The following HELLS variants were observed in gnomAD, a reference collection of about 807,000 sequenced individuals.
The protein encoded by HELLS is lymphoid-specific helicase.
HELLS carries 32 observed loss-of-function variants against 120.0 expected under a neutral mutation model. That is an observed-to-expected ratio of 0.27 (90% confidence interval 0.20 to 0.36). HELLS has a LOEUF of 0.36. Ranked by LOEUF, HELLS falls within the 10% of genes least tolerant of loss-of-function variation. The pLI is 1.00. For missense variants in HELLS, 650 were observed against 993.4 expected (o/e 0.65, Z 4.65); for synonymous variants, 341 against 323.4 (o/e 1.05, Z -0.58).
In HELLS at chr10:94,545,961, G is replaced by A. The variant is rs889282413; in HGVS notation, c.31+9G>A. On this transcript the variant is annotated intron_variant, in intron 1 of 21. Coordinates refer to ENST00000348459, the MANE Select transcript of HELLS (RefSeq NM_018063.5). ...GCCCGCGGGCAGCGGCGGTGAGTGA[G>A]GAAAACCTTTTGGGCGCGGGTGGCA... 4.5e-6 allele frequency: 7 copies of A among 1,556,258 alleles called. No homozygotes were observed. In the African/African-American group the frequency reaches 8.2e-5, roughly 18 times the overall value.
intron 4 of HELLS, among the ~76,000 whole-genome samples, 188 bp downstream of exon 4, chr10:94,558,383 A>G (rs779683531): frequency 6.6e-6 from 1 of 152,154 alleles, no homozygotes; most frequent in Non-Finnish European, 1.5e-5. Context: ...GAAAGAGCCA[A>G]AGTATGGTCC....
downstream of HELLS, among the ~76,000 whole-genome samples, chr10:94,605,266 A>G (rs187476131): frequency 2.8e-3 from 428 of 152,064 alleles, 5 homozygotes; most frequent in Non-Finnish European, 5.3e-3. Flanking sequence ...TATTTTTAGT[A>G]GGGACAGGGT....
At chr10:94,580,160 TATACACAC>T (rs1353245819) in intron 10 of HELLS, among the ~76,000 whole-genome samples, 14 of 64,538 alleles carry the variant, frequency 2.2e-4, no homozygotes, top group African/African-American at 1.0e-3. Context: ...TATATATATA[TATACACAC>T]ACACACACAC....
In HELLS at chr10:94,583,113, G is replaced by A. The variant is rs1031497992; in HGVS notation, c.1326+54G>A. 6 of 917,696 alleles carry A rather than the reference G, an allele frequency of 6.5e-6. No homozygotes were observed. In the Middle Eastern group the frequency reaches 6.6e-4, roughly 102 times the overall value. 56.8% of individuals were successfully genotyped at this position (917,696 alleles called of 1,614,324 possible). A position where few individuals can be genotyped will look rare whatever the true frequency, so the allele number is the denominator to read the frequency against. On this transcript the variant is annotated intron_variant, in intron 12 of 21. Coordinates refer to ENST00000348459, the MANE Select transcript of HELLS (RefSeq NM_018063.5). Reference sequence around the variant, plus strand: ...CCATAGGCTCGATAGAGTATAAAAGGAACTCTGGAGATCACCTGTCTAACC... The same window carrying A: ...CCATAGGCTCGATAGAGTATAAAAGAAACTCTGGAGATCACCTGTCTAACC...
chr10:94,611,911 C>T (rs368865297), exon 10 of HELLS: 71 of 152,308 alleles, frequency 4.7e-4, no homozygotes, highest in African/African-American at 1.7e-3. Context: ...ATGTCAGTTT[C>T]TTCAGATTTG....
chr10:94,574,432 T>C, intron 8 of HELLS, 122 bp from the exon 9 acceptor site: 1 of 797,776 alleles, frequency 1.3e-6, no homozygotes, highest in South Asian at 1.8e-5. Flanking sequence ...ATGGTGTGAA[T>C]ATATCAGCTT....
intron 10 of HELLS, among the ~76,000 whole-genome samples, chr10:94,577,832 C>T (rs1351465928): frequency 2.6e-5 from 4 of 151,972 alleles, no homozygotes; most frequent in African/African-American, 4.8e-5. Context: ...GAGGCCGAGG[C>T]GGGTGGATCA....
At chr10:94,550,743 A>T (rs952980121) in intron 2 of HELLS, among the ~76,000 whole-genome samples, 1 of 152,062 alleles carries the variant, frequency 6.6e-6, no homozygotes, top group African/African-American at 2.4e-5. Flanking sequence ...TTAAAAAACT[A>T]GCCGGCATGG....
At chr10:94,604,914 T>C (rs1348815735), downstream of HELLS, among the ~76,000 whole-genome samples, 1 of 151,826 alleles carries the variant, frequency 6.6e-6, no homozygotes, top group African/African-American at 2.4e-5. Context: ...GTAATAAACC[T>C]CCCCCTCCAA....
At chr10:94,602,195 A>G (rs1423959308), downstream of HELLS, 1 of 152,238 alleles carries the variant, frequency 6.6e-6, no homozygotes. Context: ...TCTTGGTTTC[A>G]TTCACTAGTA....
intron 12 of HELLS, among the ~76,000 whole-genome samples, chr10:94,585,350 T>A (rs1845071233): frequency 7.9e-6 from 1 of 127,252 alleles, no homozygotes; most frequent in Non-Finnish European, 1.7e-5. Flanking sequence ...TAACTAATAG[T>A]TTTTTTGTTT....
rs963960297 is a variant in HELLS, at chr10:94,593,629, A to G, written c.2088+14A>G. The stretch of plus-strand genomic sequence containing the variant: ...GATAGTGATTGGGTAAGTTGGAAGT[A>G]TAGCAAGGAATATGCTGATTATATT... On this transcript the variant is annotated intron_variant, in intron 18 of 21. Coordinates refer to ENST00000348459, the MANE Select transcript of HELLS (RefSeq NM_018063.5). The G allele has an allele frequency of 7.3e-7, 1 of 1,376,806 alleles. No homozygotes were observed. The allele number at this position is 1,376,806 out of a possible 1,614,324, so 85.3% of individuals were successfully genotyped here.
At chr10:94,611,442 T>A (rs1455642697) in exon 10 of HELLS, 1 of 152,118 alleles carries the variant, frequency 6.6e-6, no homozygotes, top group African/African-American at 2.4e-5. Flanking sequence ...TAATAATAAT[T>A]AATAATTAGT....
chr10:94,564,219 G>A (rs555598005), intron 6 of HELLS, among the ~76,000 whole-genome samples: 43 of 152,286 alleles, frequency 2.8e-4, no homozygotes, highest in Admixed American at 2.3e-3. Context: ...ATTTTGCAAG[G>A]AACTGTGGAA....
chr10:94,606,666 G>T (rs1361336958), downstream of HELLS, among the ~76,000 whole-genome samples: 1 of 152,104 alleles, frequency 6.6e-6, no homozygotes. Flanking sequence ...CCTAGAACTC[G>T]TAACAAAATT....
At chr10:94,554,873 T>C (rs1304947617) in intron 3 of HELLS, among the ~76,000 whole-genome samples, 1 of 152,082 alleles carries the variant, frequency 6.6e-6, no homozygotes, top group African/African-American at 2.4e-5. Context: ...CCAAAAGGGC[T>C]GGGTGTGGCT....
rs1315198704 is a variant in HELLS, at chr10:94,574,464, G to A, written c.706-90G>A. On this transcript the variant is annotated intron_variant, in intron 8 of 21. Coordinates refer to ENST00000348459, the MANE Select transcript of HELLS (RefSeq NM_018063.5). ...GCTTTAACATAATTCTCATCTTTGGGTGTGATTTTTTAAAGAGAAGAAATA... is the reference window on the plus strand; with the variant it reads ...GCTTTAACATAATTCTCATCTTTGGATGTGATTTTTTAAAGAGAAGAAATA... 3.5e-5 allele frequency: 34 copies of A among 978,422 alleles called. No homozygotes were observed. The Admixed American group carries it at 6.8e-4, about 20-fold the overall frequency. The allele number at this position is 978,422 out of a possible 1,614,324, so 60.6% of individuals were successfully genotyped here.
chr10:94,573,551 T>C (rs1844286087), intron 7 of HELLS, among the ~76,000 whole-genome samples: 1 of 151,912 alleles, frequency 6.6e-6, no homozygotes, highest in South Asian at 2.1e-4. Flanking sequence ...ACTGCAGCCT[T>C]GACTTCCTGG....
downstream of HELLS, chr10:94,602,161 C>T (rs189540949): frequency 3.9e-5 from 6 of 152,286 alleles, no homozygotes; most frequent in Middle Eastern, 3.4e-3. Flanking sequence ...ACTTGGCTGT[C>T]GGTAGGATTT....
Sources: gnomAD v4.1 joint callset for allele counts (sites outside exome capture counted in the v4.1 genomes callset) on GRCh38, gnomAD v4.1.1 for gene constraint, MANE v1.5 for transcripts, NCBI Gene and HGNC (gene_info 2026-07-23, HGNC 2026-07-21) for gene names.